Variants in GRIP1 observed in about 807,000 individuals in gnomAD.
GRIP1 encodes the protein glutamate receptor-interacting protein 1.
A neutral mutation model predicts 129.9 loss-of-function variants in GRIP1; 45 were observed. That is an observed-to-expected ratio of 0.35 (90% CI 0.27 to 0.44). The LOEUF is 0.44. Among genes scored for constraint, GRIP1 ranks in the 20% least tolerant of loss-of-function variants. The pLI, the probability that GRIP1 is intolerant of heterozygous loss-of-function variation, is 1.00. For missense variants in GRIP1, 1,196 were observed against 1,396.8 expected, an observed-to-expected ratio of 0.86 and a Z score of 2.29; for synonymous variants, 530 against 520.8, an observed-to-expected ratio of 1.02 and a Z score of -0.24.
chr12:66,432,570 C>T lies in GRIP1; in HGVS notation c.1746G>A (p.Val582=), dbSNP rs1353636661. 3 of 1,596,822 alleles carry T rather than the reference C, an allele frequency of 1.9e-6. No individual in the cohort carries two copies. The South Asian group carries it at 3.3e-5, about 18-fold the overall frequency. Residue 582 remains valine, a synonymous_variant, in exon 14 of 25, where the codon GTG becomes GTA. Transcript: ENST00000359742. ...FHVKLPKKHN[V]ELGITISSPS... ...TACAACTTATGGTTATTCCAAGTTCCACATTGTGCTTCTTAGGCAGCTTTA... is the reference window on the plus strand; with the variant it reads ...TACAACTTATGGTTATTCCAAGTTCTACATTGTGCTTCTTAGGCAGCTTTA...
At chr12:66,422,232 C>G (rs1046362873) in intron 14 of GRIP1, among the ~76,000 whole-genome samples, 2 of 152,160 alleles carry the variant, frequency 1.3e-5, no homozygotes, top group African/African-American at 4.8e-5. Context: ...TATACCGATA[C>G]CTTACCCACT....
intron 1 of GRIP1, among the ~76,000 whole-genome samples, chr12:66,692,494 GA>G (rs2035014811): frequency 1.3e-5 from 2 of 152,038 alleles, no homozygotes; most frequent in South Asian, 4.1e-4. Context: ...CCATTATTTG[GA>G]AATTTCATCT....
rs1565702178 is a variant in GRIP1 at position 66,401,599 on chromosome 12, T to TGTATATAC, written c.1984+4683_1984+4684insGTATATAC. 2.6e-3 allele frequency among the ~76,000 whole-genome samples: 6 copies of TGTATATAC among 2,340 alleles called. 2 individuals are homozygous for TGTATATAC. In the South Asian group the frequency reaches 0.18, roughly 70 times the overall value. 1.5% of individuals were successfully genotyped at this position (2,340 alleles called of 152,430 possible). A position where few individuals can be genotyped will look rare whatever the true frequency, so the allele number is the denominator to read the frequency against. ...CGTCTCAAAAAAAAAAATATGTGTGTATATATATATACACACACACACACA... is the reference window on the plus strand; with the variant it reads ...CGTCTCAAAAAAAAAAATATGTGTGTGTATATACATATATATATACACACACACACACA... On this transcript the variant is annotated intron_variant, in intron 16 of 24. Coordinates refer to ENST00000359742, the MANE Select transcript of GRIP1 (RefSeq NM_001366722.1).
chr12:66,786,361 G>C (rs990502113), intron 1 of GRIP1, among the ~76,000 whole-genome samples: 3 of 152,112 alleles, frequency 2.0e-5, no homozygotes, highest in Admixed American at 2.0e-4. Context: ...GAACTTTGTT[G>C]GTGGACAGAC....
intron 1 of GRIP1, among the ~76,000 whole-genome samples, chr12:66,654,763 G>A (rs889272851): frequency 6.6e-6 from 1 of 152,068 alleles, no homozygotes; most frequent in African/African-American, 2.4e-5. Context: ...GCGCCATTAT[G>A]TACAATAAAG....
chr12:66,432,333 A>G (rs372364205), intron 14 of GRIP1, among the ~76,000 whole-genome samples: 8 of 152,154 alleles, frequency 5.3e-5, no homozygotes, highest in African/African-American at 1.7e-4. Flanking sequence ...TTTTCATTTT[A>G]CAGATGAAGA....
At chr12:66,938,679 C>T (rs1038879143) in intron 1 of GRIP1, among the ~76,000 whole-genome samples, 3 of 152,050 alleles carry the variant, frequency 2.0e-5, no homozygotes, top group African/African-American at 7.2e-5. Context: ...GAGTTTCAGG[C>T]CAGGCATAGT....
chr12:66,777,360 T>C (rs1011759356), intron 1 of GRIP1, among the ~76,000 whole-genome samples: 1 of 152,250 alleles, frequency 6.6e-6, no homozygotes, highest in Admixed American at 6.5e-5. Context: ...GATTCACCTG[T>C]AACTAACCCC....
At chr12:66,349,330 T>C (rs904111877) in intron 24 of GRIP1, 84 bp from the exon 25 acceptor site, 12 of 1,105,336 alleles carry the variant, frequency 1.1e-5, no homozygotes, top group South Asian at 2.5e-5. Flanking sequence ...GTGCAACAAG[T>C]TGTTTGAAGT....
intron 1 of GRIP1, among the ~76,000 whole-genome samples, chr12:66,943,741 TTTTA>T (rs2041624695): frequency 6.6e-6 from 1 of 152,184 alleles, no homozygotes; most frequent in Non-Finnish European, 1.5e-5. Context: ...TGTGTTTGCT[TTTTA>T]ATTAAAAGGA....
At chr12:66,994,773 A>ACCTT (rs2042443337) in intron 1 of GRIP1, among the ~76,000 whole-genome samples, 1 of 152,108 alleles carries the variant, frequency 6.6e-6, no homozygotes, top group South Asian at 2.1e-4. Flanking sequence ...TAGTCTCAAA[A>ACCTT]TTAATCTACA....
At chr12:66,468,211 C>T (rs886410775) in intron 7 of GRIP1, among the ~76,000 whole-genome samples, 10 of 152,112 alleles carry the variant, frequency 6.6e-5, no homozygotes, top group Non-Finnish European at 1.5e-4. Context: ...AAAAGAATGG[C>T]TGTGCCCACC....
intron 7 of GRIP1, among the ~76,000 whole-genome samples, chr12:66,507,181 G>A (rs575577044): frequency 6.0e-4 from 91 of 152,308 alleles, no homozygotes; most frequent in Middle Eastern, 3.4e-3. Context: ...GCTCACGCCT[G>A]TAATCCCAGC....
intron 1 of GRIP1, among the ~76,000 whole-genome samples, chr12:66,819,057 A>G (rs1374727766): frequency 6.6e-6 from 1 of 152,240 alleles, no homozygotes; most frequent in Non-Finnish European, 1.5e-5. Context: ...TTGGGAGGAT[A>G]AAATTTTATT....
intron 1 of GRIP1, among the ~76,000 whole-genome samples, chr12:67,028,983 C>A (rs977701944): frequency 5.2e-4 from 79 of 151,870 alleles, no homozygotes; most frequent in Non-Finnish European, 1.6e-4. Flanking sequence ...AACATGAAGT[C>A]TTGGGCTTCA....
intron 1 of GRIP1, among the ~76,000 whole-genome samples, chr12:66,769,228 T>G (rs560222740): frequency 2.2e-4 from 33 of 151,298 alleles, no homozygotes; most frequent in African/African-American, 6.8e-4. Context: ...AATGGAAATT[T>G]TTTTTTTTTT....
At chr12:66,795,281 A>C (rs2038662701) in intron 1 of GRIP1, among the ~76,000 whole-genome samples, 1 of 152,216 alleles carries the variant, frequency 6.6e-6, no homozygotes, top group African/African-American at 2.4e-5. Flanking sequence ...TATTGCTTAC[A>C]TTTGACATGT....
rs969820136 is a variant in GRIP1, at chr12:66,415,732, T to C, written c.1838+4988A>G. ...TGATATATATACACACAGAATACTA[T>C]GCAGCCATAAAAAGGAATGAGATCA... On this transcript the variant is annotated intron_variant, in intron 15 of 24. Coordinates refer to ENST00000359742, the MANE Select transcript of GRIP1 (RefSeq NM_001366722.1). Among the ~76,000 whole-genome samples, 7 of 152,282 alleles carry C rather than the reference T, an allele frequency of 4.6e-5. No individual in the cohort carries two copies. The South Asian group carries it at 1.4e-3, about 32-fold the overall frequency.
intron 1 of GRIP1, among the ~76,000 whole-genome samples, chr12:67,043,228 C>T (rs1026600843): frequency 2.0e-5 from 3 of 152,110 alleles, no homozygotes; most frequent in East Asian, 1.9e-4. Flanking sequence ...CTGAAAGCCA[C>T]GAATTAAGTA....
Sources: gnomAD v4.1 joint callset for allele counts (sites outside exome capture counted in the v4.1 genomes callset) on GRCh38, gnomAD v4.1.1 for gene constraint, MANE v1.5 for transcripts, NCBI Gene and HGNC (gene_info 2026-07-23, HGNC 2026-07-21) for gene names.